The following ABCA9 variants were observed in gnomAD, a reference collection of about 807,000 sequenced individuals.
ABCA9 encodes ATP-binding cassette sub-family A member 9.
In ABCA9, 183 loss-of-function variants were observed where a neutral mutation model predicts 205.3. The ratio of observed to expected loss-of-function variants is 0.89; its 90% CI spans 0.79 to 1.01. The LOEUF is 1.01. Ranked by LOEUF, ABCA9 falls within the 50% of genes least tolerant of loss-of-function variation. The pLI, the probability that ABCA9 is intolerant of heterozygous loss-of-function variation, is 0.00. For synonymous variants in ABCA9, 651 were observed against 683.3 expected (o/e 0.95, Z 0.74); for missense variants, 1,805 against 1,912.4 (o/e 0.94, Z 1.05).
the ABCA9 span, among the ~76,000 whole-genome samples, chr17:69,075,595 G>T: frequency 6.6e-6 from 1 of 151,982 alleles, no homozygotes; most frequent in Non-Finnish European, 1.5e-5. Context: ...TGTTCCATTG[G>T]TCTATATGCC....
intron 22 of ABCA9, among the ~76,000 whole-genome samples, chr17:69,014,166 T>G (rs1303215557): frequency 3.3e-5 from 5 of 152,122 alleles, no homozygotes; most frequent in Non-Finnish European, 5.9e-5. Context: ...TGAGAATCCC[T>G]AATCTGAAAA....
chr17:69,010,629 T>C (rs2070338289), intron 23 of ABCA9, among the ~76,000 whole-genome samples: 1 of 152,142 alleles, frequency 6.6e-6, no homozygotes, highest in Non-Finnish European at 1.5e-5. Flanking sequence ...GAAAGTTTGC[T>C]CTGGTTGTAT....
chr17:68,977,857 T>C (rs1335202692), intron 37 of ABCA9, among the ~76,000 whole-genome samples: 3 of 152,184 alleles, frequency 2.0e-5, no homozygotes, highest in Non-Finnish European at 4.4e-5. Context: ...ACTTTGTTTT[T>C]CCCCCTAAAT....
intron 25 of ABCA9, among the ~76,000 whole-genome samples, chr17:69,005,110 C>A (rs183277577): frequency 8.0e-4 from 122 of 152,326 alleles, no homozygotes; most frequent in African/African-American, 2.9e-3. Flanking sequence ...GAGCTGTAGA[C>A]CGGAGCTGTT....
chr17:68,996,311 T>C (rs1374959032), intron 25 of ABCA9, among the ~76,000 whole-genome samples: 1 of 152,250 alleles, frequency 6.6e-6, no homozygotes, highest in African/African-American at 2.4e-5. Context: ...TGTACATTAC[T>C]CTGCATTTTT....
chr17:69,032,988 G>A (rs1206220430), intron 9 of ABCA9: 1 of 152,016 alleles, frequency 6.6e-6, no homozygotes, highest in Non-Finnish European at 1.5e-5. Context: ...GAGATGCACA[G>A]ATGAAGATTT....
rs777859012 is a variant in ABCA9, at chr17:69,032,274, C to T, written c.1279G>A (p.Glu427Lys). The change falls in exon 10 of 39, where the codon GAA becomes AAA. Residue 427 changes from glutamate to lysine, a missense_variant and splice_region_variant. Coordinates refer to ENST00000340001, the MANE Select transcript of ABCA9 (RefSeq NM_080283.4). ...TLYFDKILPA[E>K]YGHRCSPLFF... The stretch of plus-strand genomic sequence containing the variant: ...AAGGGAGAACATCGATGTCCATATT[C>T]AGCTATGTGAGCAGGAGGCAATTGA... 13 of 1,612,474 alleles carry T rather than the reference C, an allele frequency of 8.1e-6. No homozygotes were observed. Among genetic ancestry groups the T allele is most frequent in the Non-Finnish European group, 1.1e-5 (13 of 1,179,194 alleles).
rs1237797287 is a variant in ABCA9, at chr17:68,974,640, T to A, written c.*1275A>T. On this transcript the variant is annotated 3_prime_UTR_variant, in exon 39 of 39. Transcript: ENST00000340001. ...AGAAAAACTCACCTAAATAAGAGTA[T>A]ACAAGTTTATTTTAAGGTGTTCATA... The A allele has an allele frequency of 6.6e-6, 1 of 152,198 alleles. No homozygotes were observed. The highest frequency in any genetic ancestry group is 2.4e-5 in the African/African-American group (1 of 41,462). The allele number at this position is 152,198 out of a possible 1,614,324, so 9.4% of individuals were successfully genotyped here. A position where few individuals can be genotyped will look rare whatever the true frequency, so the allele number is the denominator to read the frequency against.
intron 1 of ABCA9, among the ~76,000 whole-genome samples, chr17:69,052,351 G>A (rs1021126797): frequency 6.6e-6 from 1 of 151,992 alleles, no homozygotes; most frequent in Non-Finnish European, 1.5e-5. Context: ...CTACAGCCTG[G>A]GTGACAGAGA....
chr17:69,028,784 T>C (rs2071073610), intron 11 of ABCA9, 139 bp from the exon 12 acceptor site: 1 of 484,142 alleles, frequency 2.1e-6, no homozygotes, highest in Non-Finnish European at 3.5e-6. Flanking sequence ...ATTCTTTCTT[T>C]TAAAACTGTA....
chr17:69,006,339 A>C (rs2070125341), intron 25 of ABCA9, among the ~76,000 whole-genome samples: 1 of 152,246 alleles, frequency 6.6e-6, no homozygotes, highest in Admixed American at 6.5e-5. Context: ...CAAGAACAAG[A>C]AAGTTCATGG....
At chr17:68,997,988 T>G (rs79862503) in intron 25 of ABCA9, among the ~76,000 whole-genome samples, 5 of 152,206 alleles carry the variant, frequency 3.3e-5, no homozygotes, top group Non-Finnish European at 5.9e-5. Flanking sequence ...TTTCACTGTC[T>G]CCATAGTTTC....
chr17:69,027,732 A>G lies in ABCA9; in HGVS notation c.1699T>C (p.Ser567Pro). ...ISKFTGFCPQ[S>P]NVQFGFLTVK... ...GTGAGAAATCCAAATTGCACATTGG[A>G]TTGTGGACAAAATCCAGTGAACTTG... The change falls in exon 13 of 39, where the codon TCC (serine) becomes CCC (proline). Residue 567 changes from serine (S) to proline (P), a missense_variant. Transcript: ENST00000340001. 6.2e-7 allele frequency: 1 copy of G among 1,613,258 alleles called. No individual in the cohort carries two copies. Among genetic ancestry groups the G allele is most frequent in the Non-Finnish European group, 8.5e-7 (1 of 1,179,584 alleles).
intron 2 of ABCA9, 118 bp downstream of exon 2, chr17:69,050,913 T>C: frequency 6.2e-6 from 5 of 809,542 alleles, no homozygotes; most frequent in Non-Finnish European, 8.6e-6. Flanking sequence ...AAAATCTAGC[T>C]TGTTAATTAG....
At chr17:69,013,365 T>G (rs2070455540) in intron 22 of ABCA9, among the ~76,000 whole-genome samples, 1 of 152,134 alleles carries the variant, frequency 6.6e-6, no homozygotes, top group Admixed American at 6.5e-5. Flanking sequence ...TACTCCCTCC[T>G]AAAACTCAGC....
chr17:69,034,247 G>A (rs1416431988), intron 8 of ABCA9, among the ~76,000 whole-genome samples: 1 of 151,998 alleles, frequency 6.6e-6, no homozygotes, highest in African/African-American at 2.4e-5. Context: ...TTTGAGACAG[G>A]GTCTCACTCT....
At chr17:68,982,839 CA>C (rs1370935209) in intron 36 of ABCA9, among the ~76,000 whole-genome samples, 198 bp from the exon 37 acceptor site, 1 of 151,992 alleles carries the variant, frequency 6.6e-6, no homozygotes, top group Non-Finnish European at 1.5e-5. Context: ...ATCCCATCTC[CA>C]CAAAAAAACT....
chr17:69,042,456 C>T (rs537488995), intron 6 of ABCA9: 3 of 152,290 alleles, frequency 2.0e-5, no homozygotes, highest in South Asian at 2.1e-4. Flanking sequence ...GCTCTACGGC[C>T]TCAGCTAAAA....
chr17:68,983,045 C>G (rs1167144627), intron 36 of ABCA9, among the ~76,000 whole-genome samples: 1 of 152,038 alleles, frequency 6.6e-6, no homozygotes, highest in South Asian at 2.1e-4. Context: ...GCAACAATAT[C>G]GTCAACAATC....
Sources: gnomAD v4.1 joint callset for allele counts (sites outside exome capture counted in the v4.1 genomes callset) on GRCh38, gnomAD v4.1.1 for gene constraint, MANE v1.5 for transcripts, NCBI Gene and HGNC (gene_info 2026-07-23, HGNC 2026-07-21) for gene names.